FGFR1: variants seen among roughly 807,000 people sequenced by gnomAD.
The protein encoded by FGFR1 is fibroblast growth factor receptor 1, also known as FGFR1/PLAG1 fusion.
Under a neutral mutation model 93.7 loss-of-function variants are expected in FGFR1, and 18 were observed. The ratio of observed to expected loss-of-function variants is 0.19; its 90% CI spans 0.13 to 0.28. FGFR1 has a LOEUF of 0.28. FGFR1 is among the 10% of genes least tolerant of loss of function. The probability of loss-of-function intolerance (pLI) is 1.00; values close to 1 mark genes in which losing one functional copy is unlikely to be tolerated. For synonymous variants in FGFR1, 448 were observed against 429.3 expected (o/e 1.04, Z -0.54); for missense variants, 731 against 1,080.4 (o/e 0.68, Z 4.53).
Position 38,429,366 on chromosome 8 carries a change from T to A in FGFR1, c.358+316A>T. On this transcript the variant is annotated intron_variant, in intron 3 of 17. Coordinates refer to ENST00000447712, the MANE Select transcript of FGFR1 (RefSeq NM_023110.3). This position sits in a 1 kb window ranked among gnomAD's most constrained non-coding sequence, Gnocchi z 4.4. ...GGAGTGGAAGCTGGCCGAGCACCAC[T>A]TAGCCTCCTGGAGATCTGGGCAAGC... 1 of 647,378 alleles carries A rather than the reference T, an allele frequency of 1.5e-6. No homozygotes were observed. 40.1% of individuals were successfully genotyped at this position (647,378 alleles called of 1,614,324 possible).
intron 6 of FGFR1, among the ~76,000 whole-genome samples, chr8:38,425,615 A>G (rs1430409036): frequency 6.6e-6 from 1 of 152,194 alleles, no homozygotes; most frequent in East Asian, 1.9e-4. Flanking sequence ...AAGAGGCTCA[A>G]TGTTCTTCCC....
intron 4 of FGFR1, 26 bp downstream of exon 4, chr8:38,428,320 C>T (rs1261781240): frequency 6.2e-7 from 1 of 1,609,030 alleles, no homozygotes; most frequent in Non-Finnish European, 8.5e-7. Context: ...ACCCAAAGGG[C>T]AGTAAGATAG....
chr8:38,461,022 A>C, intron 1 of FGFR1: 1 of 1,513,324 alleles, frequency 6.6e-7, no homozygotes, highest in Non-Finnish European at 8.9e-7. Context: ...GCCTGCATGC[A>C]GAGGTCCTCG....
intron 2 of FGFR1, among the ~76,000 whole-genome samples, chr8:38,455,709 T>C (rs1036950897): frequency 1.3e-5 from 2 of 152,182 alleles, no homozygotes; most frequent in African/African-American, 2.4e-5. Flanking sequence ...CCATAAACCA[T>C]ATACATGCTG....
intron 2 of FGFR1, among the ~76,000 whole-genome samples, chr8:38,456,869 C>T (rs1419028307): frequency 6.6e-6 from 1 of 152,122 alleles, no homozygotes; most frequent in Non-Finnish European, 1.5e-5. Context: ...CTATGCCTGG[C>T]GAAGATGTGG....
At chr8:38,447,635 T>C (rs1442262488) in intron 2 of FGFR1, among the ~76,000 whole-genome samples, 1 of 152,072 alleles carries the variant, frequency 6.6e-6, no homozygotes, top group African/African-American at 2.4e-5. Flanking sequence ...GTGGCCGCCA[T>C]CATGACCGGC....
In FGFR1 at chr8:38,418,218, G is replaced by GT; in HGVS notation, c.1430+9dup. 6.2e-7 allele frequency: 1 copy of GT among 1,614,198 alleles called. No individual in the cohort carries two copies. The highest frequency in any genetic ancestry group is 8.5e-7 in the Non-Finnish European group (1 of 1,180,044). ...TGCCTTCAAAAAGTTGGGAGTCAAA[G>GT]TATTATTACCTGTCCCGAGGCAGCT... On this transcript the variant is annotated intron_variant, in intron 10 of 17. Coordinates refer to ENST00000447712, the MANE Select transcript of FGFR1 (RefSeq NM_023110.3).
intron 2 of FGFR1, among the ~76,000 whole-genome samples, chr8:38,449,200 A>G (rs1164414482): frequency 6.6e-6 from 1 of 152,156 alleles, no homozygotes; most frequent in Non-Finnish European, 1.5e-5. Flanking sequence ...CCCTTAAGTT[A>G]AGCTTTAATC....
rs1195564451 is a variant in FGFR1, at chr8:38,412,726, T to A, written c.*902A>T. On this transcript the variant is annotated 3_prime_UTR_variant, in exon 18 of 18. Coordinates refer to ENST00000447712, the MANE Select transcript of FGFR1 (RefSeq NM_023110.3). ...CCACCCTTTTCATACAGCCCATAGA[T>A]AAATGAAGCAGCAGCAATTTTTATT... The A allele has an allele frequency of 4.3e-6, 1 of 233,352 alleles. No homozygotes were observed. The highest frequency in any genetic ancestry group is 1.8e-4 in the South Asian group (1 of 5,522). The allele number at this position is 233,352 out of a possible 1,614,324, so 14.5% of individuals were successfully genotyped here.
chr8:38,431,314 C>A (rs1322087419), intron 2 of FGFR1, among the ~76,000 whole-genome samples: 1 of 152,150 alleles, frequency 6.6e-6, no homozygotes, highest in African/African-American at 2.4e-5. Flanking sequence ...GGTTAGGTGC[C>A]CTCCCCCTCC....
At chr8:38,465,393 C>G (rs959074761) in intron 1 of FGFR1, 6 of 232,260 alleles carry the variant, frequency 2.6e-5, no homozygotes, top group Non-Finnish European at 5.1e-5. Flanking sequence ...CTGGATGAAC[C>G]TCATTAAAAA....
At chr8:38,465,370 A>G (rs550681017) in intron 1 of FGFR1, 11 of 232,542 alleles carry the variant, frequency 4.7e-5, no homozygotes, top group Admixed American at 3.4e-4. Context: ...ACGCAGTCCA[A>G]GTGGCTCTCA....
intron 2 of FGFR1, among the ~76,000 whole-genome samples, chr8:38,450,288 A>C (rs1166019564): frequency 6.6e-6 from 1 of 152,194 alleles, no homozygotes; most frequent in Admixed American, 6.5e-5. Flanking sequence ...GGAGAATGAG[A>C]GCAGCTGGAC....
chr8:38,423,312 G>GTTT (rs58594253), intron 7 of FGFR1: 5,460 of 356,330 alleles, frequency 0.015, 11 homozygotes, highest in East Asian at 0.026. Flanking sequence ...TTCCCTTTTA[G>GTTT]TTTTTTTTTT....
intron 2 of FGFR1, among the ~76,000 whole-genome samples, chr8:38,454,388 CCTT>C (rs967357370): frequency 6.6e-6 from 1 of 152,230 alleles, no homozygotes; most frequent in African/African-American, 2.4e-5. Context: ...CTCTTCCACT[CCTT>C]TATCGCTGTC....
chr8:38,441,452 C>T (rs1256832606), intron 2 of FGFR1, among the ~76,000 whole-genome samples: 2 of 152,178 alleles, frequency 1.3e-5, no homozygotes, highest in Non-Finnish European at 2.9e-5. Context: ...AATTTCCCTC[C>T]TTCCTCTCTC....
intron 13 of FGFR1, among the ~76,000 whole-genome samples, chr8:38,415,302 A>C (rs768011536): frequency 6.6e-6 from 1 of 151,442 alleles, no homozygotes; most frequent in Non-Finnish European, 1.5e-5. Context: ...GTTATACTTT[A>C]TTTTCTTTTG....
At chr8:38,457,575 G>GGT in intron 1 of FGFR1, 41 bp from the exon 2 acceptor site, 2 of 1,535,442 alleles carry the variant, frequency 1.3e-6, no homozygotes, top group Non-Finnish European at 1.8e-6. Context: ...GGAGGGTCTA[G>GGT]GTAGGGGAGG....
chr8:38,414,685 G>A (rs2978072), intron 14 of FGFR1, 56 bp from the exon 15 acceptor site: 1 of 1,613,472 alleles, frequency 6.2e-7, no homozygotes, highest in Non-Finnish European at 8.5e-7. Flanking sequence ...TGAGGGCACA[G>A]GTGGGAAGGG....
Sources: gnomAD v4.1 joint callset for allele counts (sites outside exome capture counted in the v4.1 genomes callset) on GRCh38, gnomAD v4.1.1 for gene constraint, Gnocchi (gnomAD v3.1) non-coding constraint, MANE v1.5 for transcripts, NCBI Gene and HGNC (gene_info 2026-07-23, HGNC 2026-07-21) for gene names.